WFDC3: variants seen among roughly 807,000 people sequenced by gnomAD.
WFDC3 encodes the protein WAP four-disulfide core domain 3.
A neutral mutation model predicts 25.8 loss-of-function variants in WFDC3; 15 were observed. The ratio of observed to expected loss-of-function variants is 0.58; its 90% CI spans 0.39 to 0.89. The LOEUF (loss-of-function observed/expected upper bound fraction) is 0.89. WFDC3 is among the 40% of genes least tolerant of loss of function. The pLI, the probability that WFDC3 is intolerant of heterozygous loss-of-function variation, is 0.00. For missense variants in WFDC3, 264 were observed against 289.8 expected (o/e 0.91, Z 0.65); for synonymous variants, 103 against 107.1 (o/e 0.96, Z 0.24).
chr20:45,791,829 T>C lies in WFDC3; in HGVS notation c.-8+3A>G. 4.8e-6 allele frequency: 2 copies of C among 417,080 alleles called. No homozygotes were observed. Among genetic ancestry groups the C allele is most frequent in the Non-Finnish European group, 8.2e-6 (2 of 245,050 alleles). 25.8% of individuals were successfully genotyped at this position (417,080 alleles called of 1,614,324 possible). On this transcript the variant is annotated splice_donor_region_variant and intron_variant, in intron 1 of 6. Transcript: ENST00000243938. ...AGAGGAAGCCCCAACGACCTCCACC[T>C]ACAAGGCCTCTAAGTGTAACTGTCC... is the stretch of plus-strand genomic sequence containing the variant.
At chr20:45,787,275 C>CTTTT (rs1047664663) in intron 4 of WFDC3, among the ~76,000 whole-genome samples, 1 of 95,130 alleles carries the variant, frequency 1.1e-5, no homozygotes, top group African/African-American at 4.2e-5. Context: ...CAGTGGTTTT[C>CTTTT]TTTTTTCTTT....
intron 2 of WFDC3, among the ~76,000 whole-genome samples, chr20:45,789,569 C>T (rs1980851490): frequency 6.6e-6 from 1 of 151,878 alleles, no homozygotes; most frequent in Admixed American, 6.6e-5. Context: ...AACATATATC[C>T]ACCACTGCTA....
intron 1 of WFDC3, among the ~76,000 whole-genome samples, chr20:45,790,481 C>A (rs1449532681): frequency 6.6e-6 from 1 of 152,174 alleles, no homozygotes; most frequent in Non-Finnish European, 1.5e-5. Context: ...CAGAAACTAT[C>A]AAATAGGCCA....
At chr20:45,776,154 G>T (rs1356523737) in intron 5 of WFDC3, among the ~76,000 whole-genome samples, 2 of 152,110 alleles carry the variant, frequency 1.3e-5, no homozygotes, top group Non-Finnish European at 2.9e-5. Context: ...GAATCTAAAG[G>T]GACTAAGATA....
At chr20:45,789,457 G>T (rs1980844159) in intron 2 of WFDC3, among the ~76,000 whole-genome samples, 1 of 139,880 alleles carries the variant, frequency 7.1e-6, no homozygotes, top group Non-Finnish European at 1.5e-5. Flanking sequence ...AGTGAGCTGA[G>T]ATCACGCCAC....
At chr20:45,789,539 C>A (rs952746616) in intron 2 of WFDC3, among the ~76,000 whole-genome samples, 2 of 152,000 alleles carry the variant, frequency 1.3e-5, no homozygotes, top group Admixed American at 6.6e-5. Context: ...ACCACCTTCC[C>A]CTCCTCATAC....
At chr20:45,789,193 G>C in intron 2 of WFDC3, 134 bp from the exon 3 acceptor site, 2 of 1,204,586 alleles carry the variant, frequency 1.7e-6, no homozygotes, top group Non-Finnish European at 2.2e-6. Flanking sequence ...GACAGAATGA[G>C]ACCCTGTCTC....
At chr20:45,791,297 CTTTT>C (rs74176818) in intron 1 of WFDC3, among the ~76,000 whole-genome samples, 1 of 79,164 alleles carries the variant, frequency 1.3e-5, no homozygotes, top group African/African-American at 5.0e-5. Context: ...GCCTAATGTG[CTTTT>C]TTTTTTTTTT....
At chr20:45,782,973 CCTT>C (rs1309931535) in intron 4 of WFDC3, among the ~76,000 whole-genome samples, 3 of 152,208 alleles carry the variant, frequency 2.0e-5, no homozygotes, top group African/African-American at 7.2e-5. Flanking sequence ...AAAGCAGCCT[CCTT>C]CTCTCTTCTT....
intron 1 of WFDC3, chr20:45,790,910 A>G (rs770090976): frequency 6.2e-5 from 29 of 471,014 alleles, no homozygotes; most frequent in Non-Finnish European, 1.0e-4. Flanking sequence ...GTATGACTCA[A>G]ATAGTCTGCC....
chr20:45,777,186 C>T lies in WFDC3; in HGVS notation c.382G>A (p.Ala128Thr), dbSNP rs772396636. ...AGCTCCTCACACGGAAGGGGGTCAG[C>T]GGGACATTCACCACCAAACTCTGCT... ...KLAEFGGECPADPLPCEELCD... is the reference protein window; with the variant it reads ...KLAEFGGECPTDPLPCEELCD... Residue 128 changes from alanine to threonine, a missense_variant, in exon 5 of 7, where the codon GCT (alanine) becomes ACT (threonine). Physicochemically the swap from Ala to Thr is moderately conservative, Grantham distance 58 (BLOSUM62 0). Coordinates refer to ENST00000243938, the MANE Select transcript of WFDC3 (RefSeq NM_080614.2). 4.4e-6 allele frequency: 7 copies of T among 1,576,966 alleles called. No individual in the cohort carries two copies. Among genetic ancestry groups the T allele is most frequent in the East Asian group, 4.7e-5 (2 of 42,950 alleles).
At chr20:45,785,460 CA>C (rs59167815) in intron 4 of WFDC3, among the ~76,000 whole-genome samples, 12,876 of 72,482 alleles carry the variant, frequency 0.18, 1,034 homozygotes, top group African/African-American at 0.37. Context: ...CAGCCTGTCT[CA>C]AAAAAAAAAA....
At position 45,791,737 on chromosome 20, in the gene WFDC3, G is replaced by C. The variant is rs73306445; in HGVS notation, c.-8+95C>G. 2,968 of 346,220 alleles carry C rather than the reference G, an allele frequency of 8.6e-3. 81 individuals are homozygous for C. The highest frequency in any genetic ancestry group is 0.058 in the African/African-American group (2,722 of 47,338). The allele number at this position is 346,220 out of a possible 1,614,324, so 21.4% of individuals were successfully genotyped here. On this transcript the variant is annotated intron_variant, in intron 1 of 6. Coordinates refer to ENST00000243938, the MANE Select transcript of WFDC3 (RefSeq NM_080614.2). ...AGTCATCCCCAGGCCTTGGCCCAGCGGGAAACATCCCTTGACTGAACCGCC... is the reference window on the plus strand; with the variant it reads ...AGTCATCCCCAGGCCTTGGCCCAGCCGGAAACATCCCTTGACTGAACCGCC...
Position 45,774,249 on chromosome 20 carries a change from A to T in WFDC3, c.*179T>A. On this transcript the variant is annotated 3_prime_UTR_variant, in exon 7 of 7. Transcript: ENST00000243938. The stretch of plus-strand genomic sequence containing the variant: ...CTTTATCGGGAAAGAGAAGCACCAC[A>T]CACCCACTACCCAATCCAGGGCTAT... 1.3e-6 allele frequency: 1 copy of T among 777,234 alleles called. No individual in the cohort carries two copies. The highest frequency in any genetic ancestry group is 2.1e-6 in the Non-Finnish European group (1 of 468,428). The allele number at this position is 777,234 out of a possible 1,614,324, so 48.1% of individuals were successfully genotyped here. A position where few individuals can be genotyped will look rare whatever the true frequency, so the allele number is the denominator to read the frequency against.
intron 1 of WFDC3, chr20:45,791,065 T>C (rs1371185739): frequency 1.0e-5 from 4 of 401,016 alleles, no homozygotes; most frequent in Non-Finnish European, 2.0e-5. Flanking sequence ...ACCTCCTTAA[T>C]AGGATCAAAA....
intron 3 of WFDC3, 36 bp downstream of exon 3, chr20:45,788,895 G>C: frequency 6.3e-7 from 1 of 1,586,942 alleles, no homozygotes; most frequent in South Asian, 1.2e-5. Flanking sequence ...CAATGTCAGA[G>C]AGTATGCCCA....
intron 5 of WFDC3, among the ~76,000 whole-genome samples, chr20:45,776,278 CTG>C (rs3080047): frequency 0.053 from 5,440 of 101,952 alleles, 146 homozygotes; most frequent in Non-Finnish European, 0.058. Context: ...GCTTTTATCT[CTG>C]TGTGTGTGTG....
In WFDC3 at chr20:45,789,895, A is replaced by G. The variant is rs770421491; in HGVS notation, c.81T>C (p.His27=). 5 of 1,613,714 alleles carry G rather than the reference A, an allele frequency of 3.1e-6. No homozygotes were observed. Among genetic ancestry groups the G allele is most frequent in the Admixed American group, 3.3e-5 (2 of 60,000 alleles). The change falls in exon 2 of 7, where the codon CAT becomes CAC. Residue 27 remains histidine, a splice_region_variant and synonymous_variant. Transcript: ENST00000243938. ...CAGGGATCCCAAATGATAGCTCACC[A>G]TGTTCTCCTGCAGTTATCCAGGATT... ...SLESWITAGE[H]AKEGECPPHK...
At chr20:45,785,829 A>C (rs1468348693) in intron 4 of WFDC3, among the ~76,000 whole-genome samples, 1 of 152,020 alleles carries the variant, frequency 6.6e-6, no homozygotes, top group Non-Finnish European at 1.5e-5. Flanking sequence ...TTTCTCAACT[A>C]TGTCACCTTT....
Sources: allele counts gnomAD v4.1 joint callset (sites outside exome capture counted in the v4.1 genomes callset), GRCh38; gene constraint gnomAD v4.1.1; transcripts MANE v1.5; gene names NCBI Gene and HGNC (gene_info 2026-07-23, HGNC 2026-07-21).